Variants in PPP4R1 observed in about 807,000 individuals in gnomAD.
The protein encoded by PPP4R1 is protein phosphatase 4 regulatory subunit 1.
Under a neutral mutation model 111.2 loss-of-function variants are expected in PPP4R1, and 42 were observed. The observed-to-expected ratio is 0.38, with a 90% confidence interval of 0.29 to 0.49. The LOEUF is 0.49. Among genes scored for constraint, PPP4R1 ranks in the 20% least tolerant of loss-of-function variants. The pLI is 0.97. For synonymous variants in PPP4R1, 409 were observed against 405.5 expected (o/e 1.01, Z -0.10); for missense variants, 1,012 against 1,161.6 (o/e 0.87, Z 1.87).
At chr18:9,548,013 G>A (rs938611134) in intron 19 of PPP4R1, 61 bp from the exon 20 acceptor site, 40 of 1,539,490 alleles carry the variant, frequency 2.6e-5, no homozygotes, top group Middle Eastern at 1.8e-4. Context: ...TCAGAGTTCC[G>A]TCAAGTACGA....
At chr18:9,561,731 T>C (rs555706014) in intron 13 of PPP4R1, among the ~76,000 whole-genome samples, 17 of 152,232 alleles carry the variant, frequency 1.1e-4, no homozygotes, top group Non-Finnish European at 2.1e-4. Flanking sequence ...TGAAAATACA[T>C]GAAGGAAGAT....
chr18:9,591,957 T>C (rs957874820), intron 4 of PPP4R1, among the ~76,000 whole-genome samples: 2 of 152,020 alleles, frequency 1.3e-5, no homozygotes, highest in African/African-American at 2.4e-5. Flanking sequence ...ATCCCAGTTA[T>C]TCGAGAGGCT....
Position 9,583,255 on chromosome 18 carries a change from A to C in PPP4R1, c.780T>G (p.Leu260=). 1.9e-6 allele frequency: 3 copies of C among 1,581,944 alleles called. No homozygotes were observed. Among genetic ancestry groups the C allele is most frequent in the Non-Finnish European group, 2.6e-6 (3 of 1,159,964 alleles). ...EEMLLPRFFQ[L]CSDNVWGVRK... ...GGACTCCCCATACATTATCAGAACA[A>C]AGCTGGAAAAATCTGGGCAGCTATG... Residue 260 remains leucine (L), a synonymous_variant, in exon 9 of 20, where the codon CTT becomes CTG. Transcript: ENST00000400556.
rs140581770 is a variant in PPP4R1, at chr18:9,552,138, T to C, written c.2291+1184A>G. 6.0e-3 allele frequency among the ~76,000 whole-genome samples: 916 copies of C among 152,276 alleles called. 11 individuals carry two copies. The highest frequency in any genetic ancestry group is 0.021 in the African/African-American group (882 of 41,560). On this transcript the variant is annotated intron_variant, in intron 16 of 19. Coordinates refer to ENST00000400556, the MANE Select transcript of PPP4R1 (RefSeq NM_001042388.3). ...CATTCCATACTCAGCAAAGACATCA[T>C]TTGAAAATGCAGGTGAGGTCTATAA...
At chr18:9,584,012 T>C (rs577590172) in intron 8 of PPP4R1, among the ~76,000 whole-genome samples, 2 of 152,290 alleles carry the variant, frequency 1.3e-5, no homozygotes, top group Non-Finnish European at 2.9e-5. Context: ...GATTGTCTTA[T>C]GCAATATTTC....
intron 2 of PPP4R1, among the ~76,000 whole-genome samples, chr18:9,611,232 G>A (rs2067574128): frequency 6.6e-6 from 1 of 152,102 alleles, no homozygotes; most frequent in Non-Finnish European, 1.5e-5. Flanking sequence ...CTTACACCTA[G>A]CTTGGCTGAA....
rs755027336 is a variant in PPP4R1, at chr18:9,550,312, T to C, written c.2378A>G (p.Lys793Arg). The C allele has an allele frequency of 6.2e-6, 10 of 1,614,000 alleles. No homozygotes were observed. The highest frequency in any genetic ancestry group is 2.2e-5 in the South Asian group (2 of 91,078). ...GGAAATCCAACGAACAGAAGAAACT[T>C]TGTCTGCACACAGATTCAGAGCAAT... ...RPIALNLCAD[K>R]VSSVRWISYK... Residue 793 changes from lysine to arginine, a missense_variant, in exon 17 of 20, where the codon AAA becomes AGA. Transcript: ENST00000400556.
intron 2 of PPP4R1, among the ~76,000 whole-genome samples, chr18:9,607,044 T>C (rs1024657147): frequency 2.5e-4 from 38 of 152,296 alleles, no homozygotes; most frequent in Non-Finnish European, 5.3e-4. Context: ...AAAATGAATT[T>C]CATAGATTTA....
intron 11 of PPP4R1, among the ~76,000 whole-genome samples, chr18:9,565,209 G>GT (rs1171091590): frequency 6.6e-6 from 1 of 151,994 alleles, no homozygotes; most frequent in East Asian, 1.9e-4. Flanking sequence ...TATTACTATT[G>GT]TAATTGTTTT....
intron 11 of PPP4R1, 68 bp downstream of exon 11, chr18:9,570,089 A>AT (rs1387265190): frequency 1.4e-6 from 2 of 1,456,080 alleles, no homozygotes; most frequent in Non-Finnish European, 1.8e-6. Flanking sequence ...CTGAAATGAA[A>AT]TTTTTTTAAG....
At chr18:9,590,223 GAT>G (rs2067188647) in intron 4 of PPP4R1, 1 of 152,128 alleles carries the variant, frequency 6.6e-6, no homozygotes, top group African/African-American at 2.4e-5. Context: ...TAGGATTTCA[GAT>G]ATCAACAGAG....
At chr18:9,549,747 A>G (rs577746611) in intron 18 of PPP4R1, 1 of 515,478 alleles carries the variant, frequency 1.9e-6, no homozygotes, top group Non-Finnish European at 3.5e-6. Context: ...ATGTACATAT[A>G]CACACGTCTG....
chr18:9,571,800 G>A (rs531547728), intron 10 of PPP4R1, among the ~76,000 whole-genome samples: 2 of 152,338 alleles, frequency 1.3e-5, no homozygotes, highest in Non-Finnish European at 2.9e-5. Flanking sequence ...AAGGATGAAA[G>A]ATATCACATG....
chr18:9,595,400 A>G (rs2067275118), intron 2 of PPP4R1, among the ~76,000 whole-genome samples: 1 of 152,188 alleles, frequency 6.6e-6, no homozygotes, highest in African/African-American at 2.4e-5. Context: ...GTCAGAGGCT[A>G]CAGAAACTCA....
Position 9,570,478 on chromosome 18 carries a change from C to T in PPP4R1, c.1252G>A (p.Ala418Thr). 2.5e-6 allele frequency: 4 copies of T among 1,614,166 alleles called. No individual in the cohort carries two copies. The South Asian group carries it at 3.3e-5, about 13-fold the overall frequency. ...CTLSSESHQE[A>T]ASNENDKKPG... is the part of the protein sequence containing the mutation. The stretch of plus-strand genomic sequence containing the variant: ...TTTTTATCATTCTCATTACTAGCTG[C>T]TTCCTGGTGAGATTCTGAGGACAAA... The change falls in exon 11 of 20, where the codon GCA becomes ACA. Residue 418 changes from alanine to threonine, a missense_variant. Physicochemically the swap from Ala to Thr is moderately conservative, Grantham distance 58 (BLOSUM62 0). Transcript: ENST00000400556.
intron 2 of PPP4R1, among the ~76,000 whole-genome samples, chr18:9,596,736 T>C (rs953359363): frequency 2.6e-5 from 4 of 152,208 alleles, no homozygotes; most frequent in Admixed American, 2.0e-4. Context: ...TTAAAATGCT[T>C]GTTTTTAAAG....
chr18:9,551,767 C>T (rs1046478908), intron 16 of PPP4R1: 10 of 152,192 alleles, frequency 6.6e-5, no homozygotes, highest in Non-Finnish European at 2.9e-5. Flanking sequence ...AAGTCCTGCC[C>T]GAGACCAAGC....
chr18:9,566,992 G>C (rs1320402574), intron 11 of PPP4R1, among the ~76,000 whole-genome samples: 1 of 152,152 alleles, frequency 6.6e-6, no homozygotes, highest in African/African-American at 2.4e-5. Flanking sequence ...TGCAGCCCAA[G>C]GATCAAGGGG....
upstream of PPP4R1, chr18:9,614,654 G>A (rs2067660637): frequency 5.9e-6 from 1 of 169,646 alleles, no homozygotes; most frequent in Admixed American, 7.0e-5. The surrounding 1 kb of genome is among the most constrained non-coding windows in gnomAD (Gnocchi z 4.1). Flanking sequence ...GCCGCGGGCG[G>A]CGCGGCTCCC....
Sources: gnomAD v4.1 joint callset for allele counts (sites outside exome capture counted in the v4.1 genomes callset) on GRCh38, gnomAD v4.1.1 for gene constraint, Gnocchi (gnomAD v3.1) non-coding constraint, MANE v1.5 for transcripts, NCBI Gene and HGNC (gene_info 2026-07-23, HGNC 2026-07-21) for gene names.